FHIT: variants seen among roughly 807,000 people sequenced by gnomAD.
The protein encoded by FHIT is bis(5'-adenosyl)-triphosphatase.
In FHIT, 19 loss-of-function variants were observed where a neutral mutation model predicts 17.9. That is an observed-to-expected ratio of 1.06 (90% confidence interval 0.74 to 1.56). The LOEUF is 1.56. Ranked by LOEUF, FHIT falls within the 40% of genes most tolerant of loss-of-function variation. The probability of loss-of-function intolerance (pLI) is 0.00; values close to 1 mark genes in which losing one functional copy is unlikely to be tolerated. For synonymous variants in FHIT, 81 were observed against 69.7 expected, an observed-to-expected ratio of 1.16 and a Z score of -0.81; for missense variants, 248 against 189.2, an observed-to-expected ratio of 1.31 and a Z score of -1.82.
chr3:60,692,474 A>C (rs2107888647), intron 4 of FHIT, among the ~76,000 whole-genome samples: 1 of 152,292 alleles, frequency 6.6e-6, no homozygotes, highest in Admixed American at 6.5e-5. Context: ...AAATCTCAAA[A>C]ACAGAAGTAG....
chr3:60,556,182 C>G (rs138693604), intron 4 of FHIT, among the ~76,000 whole-genome samples: 96 of 152,252 alleles, frequency 6.3e-4, no homozygotes, highest in African/African-American at 2.3e-3. Context: ...CGTCTATATA[C>G]AGACCTTCCT....
At chr3:61,039,524 T>TA (rs757823961) in intron 3 of FHIT, among the ~76,000 whole-genome samples, 6 of 152,058 alleles carry the variant, frequency 3.9e-5, no homozygotes, top group Non-Finnish European at 7.4e-5. Flanking sequence ...TACACAGCCA[T>TA]AAAAAAGGAT....
intron 3 of FHIT, among the ~76,000 whole-genome samples, chr3:60,908,985 T>C (rs924095188): frequency 6.6e-6 from 1 of 152,184 alleles, no homozygotes; most frequent in Non-Finnish European, 1.5e-5. Context: ...CAATTTTTAA[T>C]GTAATTTTAA....
intron 4 of FHIT, among the ~76,000 whole-genome samples, chr3:60,558,278 C>A (rs1442489266): frequency 2.0e-5 from 3 of 152,104 alleles, no homozygotes; most frequent in Admixed American, 6.5e-5. Context: ...ATGTCCCTGA[C>A]TGGCATACAC....
intron 3 of FHIT, among the ~76,000 whole-genome samples, chr3:60,956,641 C>T (rs1256878198): frequency 6.6e-6 from 1 of 152,164 alleles, no homozygotes; most frequent in Non-Finnish European, 1.5e-5. Context: ...TAATCAGACA[C>T]AGCTGTACAT....
chr3:60,347,677 G>GC (rs68175233), intron 5 of FHIT, among the ~76,000 whole-genome samples: 17,663 of 90,118 alleles, frequency 0.2, 2,243 homozygotes, highest in South Asian at 0.25. Flanking sequence ...CACTGGTTTG[G>GC]GGGGGGGGGG....
chr3:61,224,530 C>T (rs1461875210), intron 1 of FHIT, among the ~76,000 whole-genome samples: 10 of 152,192 alleles, frequency 6.6e-5, no homozygotes. Flanking sequence ...CTGCCTCAGC[C>T]TCCCAAGTAG....
intron 5 of FHIT, among the ~76,000 whole-genome samples, chr3:60,162,902 T>C (rs17394135): frequency 0.22 from 33,674 of 152,124 alleles, 4,909 homozygotes; most frequent in Non-Finnish European, 0.32. Context: ...CCTGATAGAA[T>C]CTTTCCTATG....
At chr3:60,341,800 G>T (rs1396945506) in intron 5 of FHIT, among the ~76,000 whole-genome samples, 6 of 152,074 alleles carry the variant, frequency 3.9e-5, no homozygotes. Flanking sequence ...GGTAACCAAA[G>T]GCTGTGTGTA....
intron 4 of FHIT, among the ~76,000 whole-genome samples, chr3:60,685,394 C>A (rs782261133): frequency 6.6e-6 from 1 of 152,142 alleles, no homozygotes. Context: ...GACCTTCTAT[C>A]TGCTGGTACT....
At chr3:60,549,725 T>A (rs2036483517) in intron 4 of FHIT, among the ~76,000 whole-genome samples, 1 of 152,090 alleles carries the variant, frequency 6.6e-6, no homozygotes, top group African/African-American at 2.4e-5. Context: ...GATAAAACAA[T>A]CTACCATGAA....
chr3:60,504,161 C>G (rs1048435219), intron 5 of FHIT, among the ~76,000 whole-genome samples: 1 of 152,170 alleles, frequency 6.6e-6, no homozygotes, highest in Non-Finnish European at 1.5e-5. Context: ...TTTGGCCGGG[C>G]AGCGTGCCTC....
At chr3:60,624,731 C>A (rs527442267) in intron 4 of FHIT, among the ~76,000 whole-genome samples, 2 of 152,222 alleles carry the variant, frequency 1.3e-5, no homozygotes, top group Admixed American at 6.5e-5. Context: ...CATATGTGGT[C>A]TTTTCTGACT....
At chr3:60,875,518 C>A (rs1265221350) in intron 3 of FHIT, among the ~76,000 whole-genome samples, 1 of 152,152 alleles carries the variant, frequency 6.6e-6, no homozygotes, top group Non-Finnish European at 1.5e-5. Flanking sequence ...ATGCAGGGAC[C>A]TTTAATTTAA....
Position 60,106,948 on chromosome 3 carries a change from A to T in FHIT, c.104-92796T>A, listed in dbSNP as rs555535483. Among the ~76,000 whole-genome samples the T allele has an allele frequency of 1.3e-4, 20 of 152,276 alleles. No homozygotes were observed. In the East Asian group the frequency reaches 3.9e-3, roughly 29 times the overall value. On this transcript the variant is annotated intron_variant, in intron 5 of 9. Transcript: ENST00000492590. ...GTGAAAACTGCTCTTTAAGGAAACGAAACTTTTTTATTGTAAGCCTTCCCA... is the reference window on the plus strand; with the variant it reads ...GTGAAAACTGCTCTTTAAGGAAACGTAACTTTTTTATTGTAAGCCTTCCCA...
In FHIT at chr3:60,624,895, G is replaced by GT. The variant is rs782663413; in HGVS notation, c.-17-87917dup. Among the ~76,000 whole-genome samples, 353 of 148,740 alleles carry GT rather than the reference G, an allele frequency of 2.4e-3. 2 individuals are homozygous for GT. The highest frequency in any genetic ancestry group is 7.2e-3 in the Admixed American group (108 of 15,074). On this transcript the variant is annotated intron_variant, in intron 4 of 9. Coordinates refer to ENST00000492590, the MANE Select transcript of FHIT (RefSeq NM_002012.4). ...TGATAAGATATTTGGCTTGTTTCTA[G>GT]TTTTTTTTTTTGTTTGTTTGTTTGT...
intron 7 of FHIT, among the ~76,000 whole-genome samples, chr3:59,958,738 A>G (rs146944797): frequency 1.6e-4 from 25 of 152,326 alleles, no homozygotes; most frequent in African/African-American, 5.8e-4. Flanking sequence ...AACAGATGTC[A>G]CTAAAGTCTC....
Position 60,494,790 on chromosome 3 carries a change from T to C in FHIT, c.103+42070A>G, listed in dbSNP as rs549461572. 9.2e-5 allele frequency among the ~76,000 whole-genome samples: 14 copies of C among 152,324 alleles called. No individual in the cohort carries two copies. In the South Asian group the frequency reaches 1.7e-3, roughly 18 times the overall value. On this transcript the variant is annotated intron_variant, in intron 5 of 9. Coordinates refer to ENST00000492590, the MANE Select transcript of FHIT (RefSeq NM_002012.4). ...ATGACCTCCAGTTCCATTCATGTTG[T>C]TGCAAATGACATGATCTCATTCTTT...
chr3:60,144,416 T>C (rs7642242), intron 5 of FHIT, among the ~76,000 whole-genome samples: 29,278 of 152,136 alleles, frequency 0.19, 3,202 homozygotes, highest in Middle Eastern at 0.32. Context: ...CTTTGCCTTT[T>C]GCTTTTACAG....
Sources: gnomAD v4.1 joint callset for allele counts (sites outside exome capture counted in the v4.1 genomes callset) on GRCh38, gnomAD v4.1.1 for gene constraint, MANE v1.5 for transcripts, NCBI Gene and HGNC (gene_info 2026-07-23, HGNC 2026-07-21) for gene names.